SGCD: variants seen among roughly 807,000 people sequenced by gnomAD.
SGCD encodes the protein sarcoglycan delta.
A neutral mutation model predicts 36.6 loss-of-function variants in SGCD; 18 were observed. The observed-to-expected ratio is 0.49, with a 90% CI of 0.34 to 0.73. The LOEUF (loss-of-function observed/expected upper bound fraction) is 0.73, where lower values mean the gene tolerates loss of function less well. Ranked by LOEUF, SGCD falls within the 30% of genes least tolerant of loss-of-function variation. The pLI is 0.01. For missense variants in SGCD, 387 were observed against 346.7 expected, an observed-to-expected ratio of 1.12 and a Z score of -0.92; for synonymous variants, 133 against 130.6, an observed-to-expected ratio of 1.02 and a Z score of -0.12.
intron 4 of SGCD, among the ~76,000 whole-genome samples, chr5:156,571,824 A>G (rs1759737262): frequency 6.6e-6 from 1 of 152,238 alleles, no homozygotes; most frequent in Admixed American, 6.5e-5. Flanking sequence ...GAGTACATTT[A>G]TAATGTTGCA....
intron 2 of SGCD, among the ~76,000 whole-genome samples, chr5:156,121,630 G>T (rs1283777723): frequency 6.6e-6 from 1 of 152,060 alleles, no homozygotes; most frequent in African/African-American, 2.4e-5. Flanking sequence ...TAAAAATGAG[G>T]GGTACCCCAG....
intron 4 of SGCD, among the ~76,000 whole-genome samples, chr5:156,511,958 G>A (rs1756948893): frequency 6.6e-6 from 1 of 152,164 alleles, no homozygotes; most frequent in Non-Finnish European, 1.5e-5. Context: ...CACTTTGGAA[G>A]TCTGAGGTAG....
At chr5:156,176,335 G>A (rs754443938) in intron 3 of SGCD, among the ~76,000 whole-genome samples, 2 of 152,148 alleles carry the variant, frequency 1.3e-5, no homozygotes, top group Admixed American at 6.5e-5. Context: ...TATAGGCTTC[G>A]TTCAAATAGC....
At chr5:156,600,808 C>A (rs1459822771) in intron 6 of SGCD, among the ~76,000 whole-genome samples, 1 of 152,024 alleles carries the variant, frequency 6.6e-6, no homozygotes, top group African/African-American at 2.4e-5. Flanking sequence ...TAAGGATTCC[C>A]TTTTTTTACA....
At chr5:156,073,034 A>G (rs1205480907) in intron 1 of SGCD, among the ~76,000 whole-genome samples, 1 of 152,110 alleles carries the variant, frequency 6.6e-6, no homozygotes, top group Non-Finnish European at 1.5e-5. Context: ...ACATTCATCT[A>G]AATTTTTTTC....
intron 2 of SGCD, among the ~76,000 whole-genome samples, chr5:156,344,047 A>C (rs1421555156): frequency 6.9e-6 from 1 of 145,760 alleles, no homozygotes; most frequent in African/African-American, 2.6e-5. Flanking sequence ...AAAATTTTTT[A>C]ACCACCCCCC....
At chr5:156,380,657 AG>A (rs1408602374) in intron 3 of SGCD, among the ~76,000 whole-genome samples, 2 of 152,226 alleles carry the variant, frequency 1.3e-5, no homozygotes, top group African/African-American at 4.8e-5. Flanking sequence ...GCAACTTCCT[AG>A]CCATGTGATA....
chr5:156,305,214 C>T (rs1035144401), intron 3 of SGCD, among the ~76,000 whole-genome samples: 3 of 152,118 alleles, frequency 2.0e-5, no homozygotes, highest in African/African-American at 7.2e-5. Context: ...CAAGGCATTC[C>T]CTCCCATCAC....
chr5:155,855,574 C>T, the SGCD span, among the ~76,000 whole-genome samples: 3 of 152,068 alleles, frequency 2.0e-5, no homozygotes, highest in Admixed American at 6.6e-5. Flanking sequence ...GATGTTGAAC[C>T]CATACTAGAG....
intron 3 of SGCD, among the ~76,000 whole-genome samples, chr5:156,360,121 G>A (rs974922337): frequency 9.9e-5 from 15 of 152,190 alleles, no homozygotes; most frequent in Non-Finnish European, 1.9e-4. Context: ...ACAGTTTAAA[G>A]CCTGAAAGCA....
chr5:155,769,907 C>T, the SGCD span, among the ~76,000 whole-genome samples: 1 of 152,126 alleles, frequency 6.6e-6, no homozygotes, highest in African/African-American at 2.4e-5. Context: ...TTCCTACGCC[C>T]TACACAAGAT....
chr5:156,128,281 C>T (rs1213767444), intron 3 of SGCD, among the ~76,000 whole-genome samples: 1 of 152,152 alleles, frequency 6.6e-6, no homozygotes, highest in Non-Finnish European at 1.5e-5. Context: ...TCATACATTA[C>T]TGGTAGAATT....
chr5:155,993,651 G>A (rs889491380), intron 1 of SGCD, among the ~76,000 whole-genome samples: 13 of 151,938 alleles, frequency 8.6e-5, no homozygotes, highest in African/African-American at 2.9e-4. Context: ...GGCTTCCTGG[G>A]GACATTTTTG....
intron 7 of SGCD, among the ~76,000 whole-genome samples, chr5:156,722,922 A>G (rs576368451): frequency 4.6e-5 from 7 of 152,372 alleles, no homozygotes; most frequent in African/African-American, 1.4e-4. Context: ...ATCTTGCCCA[A>G]TAAAGGTGCA....
chr5:155,771,157 A>T, the SGCD span, among the ~76,000 whole-genome samples: 8 of 152,140 alleles, frequency 5.3e-5, no homozygotes, highest in Admixed American at 5.2e-4. Context: ...CCTTGCGTGC[A>T]GTCATTCAGT....
chr5:155,835,317 T>C, the SGCD span, among the ~76,000 whole-genome samples: 312 of 152,270 alleles, frequency 2.0e-3, 2 homozygotes, highest in African/African-American at 7.2e-3. Context: ...CTTGTAATCA[T>C]TGTTTTTGAA....
intron 1 of SGCD, among the ~76,000 whole-genome samples, chr5:156,006,644 C>T (rs1025122066): frequency 1.3e-5 from 2 of 152,158 alleles, no homozygotes; most frequent in African/African-American, 2.4e-5. Context: ...AATATAAAAA[C>T]GCATTCCCAG....
intron 2 of SGCD, among the ~76,000 whole-genome samples, chr5:156,336,954 A>G (rs1342179058): frequency 6.6e-6 from 1 of 152,232 alleles, no homozygotes; most frequent in African/African-American, 2.4e-5. Context: ...AGTTCACATA[A>G]ATAGGTGCTT....
intron 3 of SGCD, among the ~76,000 whole-genome samples, chr5:156,416,935 A>G (rs940346650): frequency 2.0e-5 from 3 of 152,182 alleles, no homozygotes; most frequent in Non-Finnish European, 4.4e-5. Flanking sequence ...TTCTTAGATT[A>G]TTAATGAGGT....
Sources: gnomAD v4.1 joint callset for allele counts (sites outside exome capture counted in the v4.1 genomes callset) on GRCh38, gnomAD v4.1.1 for gene constraint, MANE v1.5 for transcripts, NCBI Gene and HGNC (gene_info 2026-07-23, HGNC 2026-07-21) for gene names.